The following NOS1 variants were observed in gnomAD, a reference collection of about 807,000 sequenced individuals.
NOS1 encodes the protein nitric oxide synthase 1.
NOS1 carries 51 observed loss-of-function variants against 164.5 expected under a neutral mutation model. The ratio of observed to expected loss-of-function variants is 0.31; its 90% CI spans 0.25 to 0.39. NOS1 has a LOEUF of 0.39. NOS1 is among the 10% of genes least tolerant of loss of function. The pLI, the probability that NOS1 is intolerant of heterozygous loss-of-function variation, is 1.00. For missense variants in NOS1, 1,362 were observed against 1,885.6 expected, an observed-to-expected ratio of 0.72 and a Z score of 5.14; for synonymous variants, 719 against 745.8, an observed-to-expected ratio of 0.96 and a Z score of 0.59.
rs1395078382 is a variant in NOS1, at chr12:117,295,331, C to T, written c.853-4905G>A. 2.0e-5 allele frequency among the ~76,000 whole-genome samples: 3 copies of T among 152,164 alleles called. No homozygotes were observed. The East Asian group carries it at 5.8e-4, about 29-fold the overall frequency. On this transcript the variant is annotated intron_variant, in intron 3 of 28. Transcript: ENST00000317775. Reference sequence around the variant, plus strand: ...ATCAAAAGGAGAATATTTTGTGACACACAAAAGTTATATGATGTTCAAATG... The same window carrying T: ...ATCAAAAGGAGAATATTTTGTGACATACAAAAGTTATATGATGTTCAAATG...
chr12:117,257,607 C>CTTTT (rs151304592), intron 16 of NOS1, among the ~76,000 whole-genome samples: 84 of 99,114 alleles, frequency 8.5e-4, no homozygotes, highest in Middle Eastern at 7.7e-3. Flanking sequence ...TTGATTTTAG[C>CTTTT]TTTTTTTTTT....
At chr12:117,345,086 C>T (rs575783679) in intron 1 of NOS1, among the ~76,000 whole-genome samples, 88 of 145,098 alleles carry the variant, frequency 6.1e-4, no homozygotes, top group African/African-American at 2.2e-3. Context: ...GGCTGGAGTG[C>T]AGTGGCACAA....
At chr12:117,331,816 C>T (rs901873857) in intron 1 of NOS1, among the ~76,000 whole-genome samples, 16 of 152,172 alleles carry the variant, frequency 1.1e-4, no homozygotes, top group Admixed American at 9.2e-4. Flanking sequence ...TTTCCCACCA[C>T]GAGAGGTCAT....
chr12:117,350,751 A>G (rs1310081321), intron 1 of NOS1, among the ~76,000 whole-genome samples: 1 of 152,102 alleles, frequency 6.6e-6, no homozygotes, highest in Non-Finnish European at 1.5e-5. Flanking sequence ...GCTAGTTGTC[A>G]TCCTTTGCCC....
intron 10 of NOS1, 122 bp from the exon 11 acceptor site, chr12:117,268,266 T>A: frequency 1.5e-6 from 1 of 687,270 alleles, no homozygotes; most frequent in Non-Finnish European, 2.5e-6. Flanking sequence ...ACTCTCGCTC[T>A]GTCGCACAGG....
chr12:117,346,260 CAGG>C (rs766173826), intron 1 of NOS1, among the ~76,000 whole-genome samples: 9 of 152,206 alleles, frequency 5.9e-5, no homozygotes, highest in Non-Finnish European at 1.0e-4. Flanking sequence ...CACCTGAGAC[CAGG>C]AGTTTGAGAC....
intron 3 of NOS1, among the ~76,000 whole-genome samples, chr12:117,311,042 T>A (rs1465683000): frequency 1.3e-5 from 2 of 152,150 alleles, no homozygotes; most frequent in Non-Finnish European, 2.9e-5. Flanking sequence ...ATTTTTGTAT[T>A]TTTTGTAGAG....
In NOS1 at chr12:117,338,078, G is replaced by A. The variant is rs542586249; in HGVS notation, c.-420-6589C>T. On this transcript the variant is annotated intron_variant, in intron 1 of 28. Coordinates refer to ENST00000317775, the MANE Select transcript of NOS1 (RefSeq NM_000620.5). Reference sequence around the variant, plus strand: ...AAAAATACAAAAAAGTTAGCTGGGTGTGGTGGCAGGCACCTGTGATCCCAG... The same window carrying A: ...AAAAATACAAAAAAGTTAGCTGGGTATGGTGGCAGGCACCTGTGATCCCAG... 2.2e-3 allele frequency among the ~76,000 whole-genome samples: 339 copies of A among 152,190 alleles called. 3 individuals carry two copies. Among genetic ancestry groups the A allele is most frequent in the Non-Finnish European group, 2.9e-3 (197 of 68,002 alleles).
chr12:117,361,182 C>A (rs1463585547), intron 1 of NOS1, among the ~76,000 whole-genome samples: 1 of 151,896 alleles, frequency 6.6e-6, no homozygotes, highest in Non-Finnish European at 1.5e-5. Context: ...CACCCGCCCG[C>A]CCGCCTCGTA....
chr12:117,355,036 A>G (rs1876795381), intron 1 of NOS1, among the ~76,000 whole-genome samples: 1 of 152,196 alleles, frequency 6.6e-6, no homozygotes, highest in Non-Finnish European at 1.5e-5. Flanking sequence ...AGCAAAATTT[A>G]GCTGTCAGGT....
chr12:117,358,773 ATT>A (rs1340825436), intron 1 of NOS1, among the ~76,000 whole-genome samples: 6 of 152,162 alleles, frequency 3.9e-5, no homozygotes, highest in Non-Finnish European at 8.8e-5. Flanking sequence ...TCTCTACATG[ATT>A]TGGGACTTTG....
In NOS1 at chr12:117,331,188, T is replaced by TA. The variant is rs1875530140; in HGVS notation, c.-120_-119insT. 1 of 1,305,732 alleles carries TA rather than the reference T, an allele frequency of 7.7e-7. No homozygotes were observed. Among genetic ancestry groups the TA allele is most frequent in the Non-Finnish European group, 1.0e-6 (1 of 952,474 alleles). The allele number at this position is 1,305,732 out of a possible 1,614,324, so 80.9% of individuals were successfully genotyped here. A position where few individuals can be genotyped will look rare whatever the true frequency, so the allele number is the denominator to read the frequency against. On this transcript the variant is annotated 5_prime_UTR_variant, in exon 2 of 29. Coordinates refer to ENST00000317775, the MANE Select transcript of NOS1 (RefSeq NM_000620.5). ...GGAGAGCAGGAGCCGGGGTGACAGG[T>TA]GCTGACAAGGCTTCAGCCCTCTCTG...
intron 3 of NOS1, among the ~76,000 whole-genome samples, chr12:117,305,465 A>C (rs1270921960): frequency 3.2e-4 from 47 of 148,086 alleles, no homozygotes; most frequent in South Asian, 4.2e-4. Flanking sequence ...CTCCATCTCA[A>C]AAAAAAAAAA....
chr12:117,278,898 C>T (rs1252320803), intron 8 of NOS1, among the ~76,000 whole-genome samples: 1 of 148,904 alleles, frequency 6.7e-6, no homozygotes, highest in Non-Finnish European at 1.5e-5. Flanking sequence ...ACTTATTCAT[C>T]TAATATATCA....
intron 3 of NOS1, among the ~76,000 whole-genome samples, chr12:117,299,372 C>T (rs976150271): frequency 6.6e-6 from 1 of 152,148 alleles, no homozygotes; most frequent in Non-Finnish European, 1.5e-5. Context: ...GGCGCGGTGG[C>T]TCACGCCTGT....
At position 117,234,565 on chromosome 12, in the gene NOS1, C is replaced by T; in HGVS notation, c.3235G>A (p.Gly1079Ser). The T allele has an allele frequency of 6.2e-7, 1 of 1,612,550 alleles. No individual in the cohort carries two copies. The highest frequency in any genetic ancestry group is 8.5e-7 in the Non-Finnish European group (1 of 1,178,892). ...AGGGAAGGGTCCCCGGGAATGTTACCTAAAGCCGTGTTCCGCTCCTCCAGC... is the reference window on the plus strand; with the variant it reads ...AGGGAAGGGTCCCCGGGAATGTTACTTAAAGCCGTGTTCCGCTCCTCCAGC... Reference protein sequence around the residue: ...ELLEERNTALGVISNWTDELR... With the variant: ...ELLEERNTALSVISNWTDELR... The change falls in exon 21 of 29, where the codon GGT becomes AGT. Residue 1079 changes from glycine to serine, a missense_variant and splice_region_variant. Around this residue, in one of 4 missense-constraint regions of NOS1, gnomAD observed 737 missense variants for 1,030.3 expected, o/e 0.72. Coordinates refer to ENST00000317775, the MANE Select transcript of NOS1 (RefSeq NM_000620.5). The surrounding 1 kb of genome is among the most constrained non-coding windows in gnomAD (Gnocchi z 4.3).
In NOS1 at chr12:117,259,161, G is replaced by A. The variant is rs9658431; in HGVS notation, c.2368-31C>T. ...TGGGCAGGGCACAGGTATAGGATGG[G>A]GAGAGGAAGAAGGGGATGAGGAGAG... On this transcript the variant is annotated intron_variant, in intron 14 of 28. Coordinates refer to ENST00000317775, the MANE Select transcript of NOS1 (RefSeq NM_000620.5). The A allele has an allele frequency of 2.4e-4, 345 of 1,462,728 alleles. No homozygotes were observed. In the African/African-American group the frequency reaches 4.4e-3, roughly 19 times the overall value. The allele number at this position is 1,462,728 out of a possible 1,614,324, so 90.6% of individuals were successfully genotyped here.
chr12:117,227,882 A>C (rs1028092622), intron 22 of NOS1, among the ~76,000 whole-genome samples: 1 of 152,032 alleles, frequency 6.6e-6, no homozygotes, highest in Non-Finnish European at 1.5e-5. Flanking sequence ...AAGAAAAATT[A>C]GCTGGATGTG....
chr12:117,230,634 C>T (rs926112570), intron 22 of NOS1, among the ~76,000 whole-genome samples: 1 of 152,162 alleles, frequency 6.6e-6, no homozygotes, highest in Non-Finnish European at 1.5e-5. Context: ...GGGTGGTTCT[C>T]CTGGGTAGAA....
Sources: gnomAD v4.1 joint callset for allele counts (sites outside exome capture counted in the v4.1 genomes callset) on GRCh38, gnomAD v4.1.1 for gene constraint, gnomAD v4.1.1 regional missense constraint, Gnocchi (gnomAD v3.1) non-coding constraint, MANE v1.5 for transcripts, NCBI Gene and HGNC (gene_info 2026-07-23, HGNC 2026-07-21) for gene names.